Variants in AGFG2 observed in about 807,000 individuals in gnomAD.
The protein encoded by AGFG2 is arf-GAP domain and FG repeat-containing protein 2.
Under a neutral mutation model 48.0 loss-of-function variants are expected in AGFG2, and 31 were observed. The observed-to-expected ratio is 0.65, with a 90% CI of 0.49 to 0.87. The LOEUF is 0.87. AGFG2 is among the 40% of genes least tolerant of loss of function. The pLI is 0.00. For missense variants in AGFG2, 599 were observed against 632.6 expected (o/e 0.95, Z 0.57); for synonymous variants, 229 against 260.8 (o/e 0.88, Z 1.18).
At chr7:100,553,266 C>T in intron 3 of AGFG2, 81 bp from the exon 4 acceptor site, 1 of 1,535,780 alleles carries the variant, frequency 6.5e-7, no homozygotes, top group Non-Finnish European at 8.9e-7. Context: ...ATTTTGACTC[C>T]TGTGTCTTCC....
At position 100,539,441 on chromosome 7, in the gene AGFG2, G is replaced by A; in HGVS notation, c.95G>A (p.Arg32Gln). The A allele has an allele frequency of 7.5e-7, 1 of 1,326,044 alleles. No homozygotes were observed. The highest frequency in any genetic ancestry group is 3.1e-5 in the East Asian group (1 of 32,408). The allele number at this position is 1,326,044 out of a possible 1,614,324, so 82.1% of individuals were successfully genotyped here. Residue 32 changes from arginine (R) to glutamine (Q), a missense_variant, in exon 1 of 12, where the codon CGG becomes CAG. By Grantham distance (43) the Arg-to-Gln change is conservative (BLOSUM62 1). Coordinates refer to ENST00000300176, the MANE Select transcript of AGFG2 (RefSeq NM_006076.5). ...GCGGCCTCGGAGGTGTGGTGCCGTC[G>A]GGTGCGGGAGCTGGGTGGCTGCAGC... The part of the protein sequence containing the change: ...AEAASEVWCR[R>Q]VRELGGCSQA...
chr7:100,565,360 G>T lies in AGFG2; in HGVS notation c.*369G>T, dbSNP rs1272349015. The T allele has an allele frequency of 7.3e-6, 2 of 273,312 alleles. No homozygotes were observed. The highest frequency in any genetic ancestry group is 7.1e-6 in the Non-Finnish European group (1 of 141,028). The allele number at this position is 273,312 out of a possible 1,614,324, so 16.9% of individuals were successfully genotyped here. ...GACGGGAGCGCAGTGGGGAAGGTAG[G>T]GGAAAGATGAGGCACAGTGTTGATG... On this transcript the variant is annotated 3_prime_UTR_variant, in exon 12 of 12. Coordinates refer to ENST00000300176, the MANE Select transcript of AGFG2 (RefSeq NM_006076.5).
At chr7:100,555,865 C>G in intron 6 of AGFG2, 130 bp downstream of exon 6, 2 of 1,319,416 alleles carry the variant, frequency 1.5e-6, no homozygotes, top group East Asian at 2.4e-5. Context: ...AGAAGCAGCT[C>G]CAGGAGAGGA....
rs1801002189 is a variant in AGFG2, at chr7:100,566,035, T to C, written c.*1044T>C. The C allele has an allele frequency of 6.6e-6, 1 of 152,388 alleles. No homozygotes were observed. The highest frequency in any genetic ancestry group is 1.5e-5 in the Non-Finnish European group (1 of 68,008). 9.4% of individuals were successfully genotyped at this position (152,388 alleles called of 1,614,324 possible). On this transcript the variant is annotated 3_prime_UTR_variant, in exon 12 of 12. Transcript: ENST00000300176. ...TTTTGCTTCAGGCCACTTTGAGGGG[T>C]TGCAGGTCAGTCAACATGACTGATC... is the stretch of plus-strand genomic sequence containing the variant.
At chr7:100,550,937 T>C (rs539462598) in intron 3 of AGFG2, among the ~76,000 whole-genome samples, 4 of 146,280 alleles carry the variant, frequency 2.7e-5, no homozygotes, top group African/African-American at 1.0e-4. Context: ...CACAGCTTAC[T>C]GCAGTCTCAG....
chr7:100,542,788 G>A (rs965374920), intron 1 of AGFG2, among the ~76,000 whole-genome samples: 7 of 152,146 alleles, frequency 4.6e-5, no homozygotes, highest in African/African-American at 1.7e-4. Context: ...TTTGGTGTTG[G>A]TGGGAAGTGA....
intron 9 of AGFG2, among the ~76,000 whole-genome samples, chr7:100,563,260 T>C (rs993008898): frequency 2.0e-5 from 3 of 152,220 alleles, no homozygotes; most frequent in Non-Finnish European, 4.4e-5. Context: ...CAGTCCCTTC[T>C]GTGTCCCGAA....
rs1562798027 is a variant in AGFG2, at chr7:100,566,002, G to A, written c.*1011G>A. The A allele has an allele frequency of 6.6e-6, 1 of 151,376 alleles. No individual in the cohort carries two copies. Among genetic ancestry groups the A allele is most frequent in the Admixed American group, 6.6e-5 (1 of 15,104 alleles). 9.4% of individuals were successfully genotyped at this position (151,376 alleles called of 1,614,324 possible). A position where few individuals can be genotyped will look rare whatever the true frequency, so the allele number is the denominator to read the frequency against. ...GCATTTGAACGAAAGAGAAAACGGC[G>A]CCTGTGGTTTTGCTTCAGGCCACTT... On this transcript the variant is annotated 3_prime_UTR_variant, in exon 12 of 12. Transcript: ENST00000300176.
Position 100,565,012 on chromosome 7 carries a change from T to TCTTCCCTGCCTTCTGGGGCCC in AGFG2, c.*24_*44dup, listed in dbSNP as rs1270356337. On this transcript the variant is annotated 3_prime_UTR_variant, in exon 12 of 12. Transcript: ENST00000300176. ...TGTAGCACTGTGTTTTTGGGGGGCC[T>TCTTCCCTGCCTTCTGGGGCCC]CTTCCCTGCCTTCTGGGGCCCCTCT... 1.2e-6 allele frequency: 2 copies of TCTTCCCTGCCTTCTGGGGCCC among 1,613,436 alleles called. No homozygotes were observed. The highest frequency in any genetic ancestry group is 2.7e-5 in the African/African-American group (2 of 74,898).
rs555244381 is a variant in AGFG2, at chr7:100,539,513, C to T, written c.167C>T (p.Thr56Ile). ...HCFECAQRGV[T>I]YVDITVGSFV... ...TTCGAGTGCGCCCAGCGCGGGGTCACCTACGTGGATATCACCGTGGGCAGC... is the reference window on the plus strand; with the variant it reads ...TTCGAGTGCGCCCAGCGCGGGGTCATCTACGTGGATATCACCGTGGGCAGC... The change falls in exon 1 of 12, where the codon ACC (threonine) becomes ATC (isoleucine). Residue 56 changes from threonine to isoleucine, a missense_variant. By Grantham distance (89) the Thr-to-Ile change is moderately conservative. Transcript: ENST00000300176. The T allele has an allele frequency of 3.1e-6, 4 of 1,309,132 alleles. No individual in the cohort carries two copies. In the South Asian group the frequency reaches 9.3e-5, roughly 30 times the overall value. 81.1% of individuals were successfully genotyped at this position (1,309,132 alleles called of 1,614,324 possible). A position where few individuals can be genotyped will look rare whatever the true frequency, so the allele number is the denominator to read the frequency against.
intron 1 of AGFG2, among the ~76,000 whole-genome samples, chr7:100,542,387 A>G (rs2131100154): frequency 6.6e-6 from 1 of 152,348 alleles, no homozygotes. Flanking sequence ...TTTAGAGAGC[A>G]TATTTTGGTG....
At chr7:100,551,403 C>T (rs1425559194) in intron 3 of AGFG2, among the ~76,000 whole-genome samples, 1 of 150,342 alleles carries the variant, frequency 6.7e-6, no homozygotes, top group African/African-American at 2.4e-5. Flanking sequence ...TGAGGTTTCA[C>T]CACGTTGCCC....
chr7:100,557,913 A>G (rs1030037195), intron 6 of AGFG2, among the ~76,000 whole-genome samples: 2 of 151,712 alleles, frequency 1.3e-5, no homozygotes, highest in Non-Finnish European at 2.9e-5. Context: ...TAACACCCAG[A>G]AAAAAAAATA....
At position 100,562,330 on chromosome 7, in the gene AGFG2, G is replaced by A. The variant is rs1350732442; in HGVS notation, c.949G>A (p.Val317Met). Reference sequence around the variant, plus strand: ...CAGTCAGCCAAACAGCCTCGCAGACGTGGGCAGCTTCCTGGGACCCGGGGT... The same window carrying A: ...CAGTCAGCCAAACAGCCTCGCAGACATGGGCAGCTTCCTGGGACCCGGGGT... ...PASQPNSLADVGSFLGPGVPA... is the reference protein window; with the variant it reads ...PASQPNSLADMGSFLGPGVPA... Residue 317 changes from valine (V) to methionine (M), a missense_variant, in exon 7 of 12, where the codon GTG becomes ATG. Physicochemically the swap from Val to Met is conservative, Grantham distance 21 (BLOSUM62 1). Coordinates refer to ENST00000300176, the MANE Select transcript of AGFG2 (RefSeq NM_006076.5). The surrounding 1 kb of genome is among the most constrained non-coding windows in gnomAD (Gnocchi z 5.4). 5.6e-6 allele frequency: 9 copies of A among 1,614,026 alleles called. No homozygotes were observed. Among genetic ancestry groups the A allele is most frequent in the South Asian group, 3.3e-5 (3 of 91,090 alleles).
intron 5 of AGFG2, among the ~76,000 whole-genome samples, chr7:100,554,940 A>G (rs1165499042): frequency 2.0e-5 from 3 of 149,614 alleles, no homozygotes; most frequent in African/African-American, 7.4e-5. Context: ...TCCGTCTCAA[A>G]AAAAAAAAAA....
At chr7:100,555,263 GTTTTTTTTTTTTTTTTTTT>G (rs1166680394) in intron 5 of AGFG2, among the ~76,000 whole-genome samples, 1 of 75,148 alleles carries the variant, frequency 1.3e-5, no homozygotes, top group South Asian at 4.6e-4. Context: ...TGTGTGTGTG[GTTTTTTTTTTTTTTTTTTT>G]TTTTTTTTTG....
intron 1 of AGFG2, among the ~76,000 whole-genome samples, chr7:100,548,299 T>G (rs1394524828): frequency 6.6e-6 from 1 of 151,884 alleles, no homozygotes; most frequent in African/African-American, 2.4e-5. Flanking sequence ...TGGAGATTCT[T>G]TTTTTTGGGG....
At chr7:100,548,741 TC>T (rs1800561439) in intron 1 of AGFG2, 80 bp from the exon 2 acceptor site, 1 of 1,052,674 alleles carries the variant, frequency 9.5e-7, no homozygotes, top group Non-Finnish European at 1.5e-6. Context: ...TCACCCTTTC[TC>T]CCTCCTCCTC....
Position 100,562,439 on chromosome 7 carries a change from T to C in AGFG2, c.998+60T>C, listed in dbSNP as rs1026685607. On this transcript the variant is annotated intron_variant, in intron 7 of 11. Transcript: ENST00000300176. This position sits in a 1 kb window ranked among gnomAD's most constrained non-coding sequence, Gnocchi z 5.4. ...AGGAGAGCCGCCCGAAGCCTGGCCA[T>C]GTTCCTCCCAGCCCCATCGGCATCT... The C allele has an allele frequency of 8.7e-6, 14 of 1,606,130 alleles. No homozygotes were observed. The highest frequency in any genetic ancestry group is 2.2e-5 in the South Asian group (2 of 90,584).
Sources: allele counts gnomAD v4.1 joint callset (sites outside exome capture counted in the v4.1 genomes callset), GRCh38; gene constraint gnomAD v4.1.1; non-coding constraint Gnocchi (gnomAD v3.1); transcripts MANE v1.5; gene names NCBI Gene and HGNC (gene_info 2026-07-23, HGNC 2026-07-21).